The following INTU variants were observed in gnomAD, a reference collection of about 807,000 sequenced individuals.
INTU encodes the protein inturned planar cell polarity protein.
A neutral mutation model predicts 100.5 loss-of-function variants in INTU; 68 were observed. The observed-to-expected ratio is 0.68, with a 90% CI of 0.56 to 0.83. The LOEUF is 0.83. INTU is among the 40% of genes least tolerant of loss of function. The pLI, the probability that INTU is intolerant of heterozygous loss-of-function variation, is 0.00. For missense variants in INTU, 1,071 were observed against 1,114.7 expected (o/e 0.96, Z 0.56); for synonymous variants, 357 against 395.7 (o/e 0.90, Z 1.16).
intron 7 of INTU, chr4:127,685,384 T>C: frequency 2.2e-6 from 1 of 451,264 alleles, no homozygotes; most frequent in Non-Finnish European, 4.4e-6. Flanking sequence ...TTCCAAACCA[T>C]AGTGATATCA....
chr4:127,639,638 T>C (rs1179320535), intron 1 of INTU, among the ~76,000 whole-genome samples: 1 of 152,142 alleles, frequency 6.6e-6, no homozygotes, highest in African/African-American at 2.4e-5. Context: ...TTTAAAAAAT[T>C]GACACATAAT....
At position 127,669,925 on chromosome 4, in the gene INTU, G is replaced by A. The variant is rs145008005; in HGVS notation, c.1091+771G>A. On this transcript the variant is annotated intron_variant, in intron 5 of 15. Coordinates refer to ENST00000335251, the MANE Select transcript of INTU (RefSeq NM_015693.4). ...ATAATTCATGACTAAGACCTCAAAA[G>A]CAAATGCAGCAAAACCAAAAATAGA... 2.7e-3 allele frequency among the ~76,000 whole-genome samples: 417 copies of A among 151,922 alleles called. 4 individuals carry two copies. The highest frequency in any genetic ancestry group is 9.5e-3 in the African/African-American group (393 of 41,530).
Position 127,644,060 on chromosome 4 carries a change from A to C in INTU, c.682+4A>C, listed in dbSNP as rs368781214. On this transcript the variant is annotated splice_donor_region_variant and intron_variant, in intron 2 of 15. Coordinates refer to ENST00000335251, the MANE Select transcript of INTU (RefSeq NM_015693.4). Reference sequence around the variant, plus strand: ...AAGAGCGGTCAGGTACTCATTGGTAAGTGTTGCTGGTACACATCCATCCCT... The same window carrying C: ...AAGAGCGGTCAGGTACTCATTGGTACGTGTTGCTGGTACACATCCATCCCT... 6.2e-7 allele frequency: 1 copy of C among 1,608,578 alleles called. No individual in the cohort carries two copies. The highest frequency in any genetic ancestry group is 8.5e-7 in the Non-Finnish European group (1 of 1,176,292).
chr4:127,678,918 A>C (rs1432922629), intron 6 of INTU, among the ~76,000 whole-genome samples: 2 of 152,050 alleles, frequency 1.3e-5, no homozygotes, highest in East Asian at 3.8e-4. Flanking sequence ...TCTACCAAGC[A>C]AATGGAAAAC....
intron 3 of INTU, among the ~76,000 whole-genome samples, chr4:127,659,447 G>T (rs1728376706): frequency 6.6e-6 from 1 of 152,170 alleles, no homozygotes; most frequent in South Asian, 2.1e-4. Flanking sequence ...GGCAATCATT[G>T]TTCTCTTCTT....
intron 11 of INTU, 30 bp from the exon 12 acceptor site, chr4:127,706,457 A>G: frequency 6.4e-7 from 1 of 1,559,038 alleles, no homozygotes; most frequent in Non-Finnish European, 8.7e-7. Context: ...ATGGTAGCTA[A>G]ACCTACATTT....
At chr4:127,652,466 CTAT>C (rs1727938029) in intron 2 of INTU, among the ~76,000 whole-genome samples, 1 of 94,362 alleles carries the variant, frequency 1.1e-5, no homozygotes, top group Non-Finnish European at 2.0e-5. Flanking sequence ...TTTTCTGCAT[CTAT>C]TGAGATAATC....
At position 127,720,448 on chromosome 4, in the gene INTU, T is replaced by C. The variant is rs1731330243; in HGVS notation, c.*4012T>C. 6.6e-6 allele frequency: 1 copy of C among 152,226 alleles called. No homozygotes were observed. The allele number at this position is 152,226 out of a possible 1,614,324, so 9.4% of individuals were successfully genotyped here. ...GTACCATGTGGCACTGAGAAGAATA[T>C]ATATTCTGTTGTTTGGGGGTGGAAA... On this transcript the variant is annotated 3_prime_UTR_variant, in exon 16 of 16. Transcript: ENST00000335251.
chr4:127,682,601 G>A (rs1316689903), intron 6 of INTU, among the ~76,000 whole-genome samples: 2 of 114,904 alleles, frequency 1.7e-5, no homozygotes, highest in African/African-American at 3.3e-5. Context: ...TTTGTGGGGT[G>A]GGGGGAGGGG....
chr4:127,712,543 T>C (rs1240677340), intron 14 of INTU, among the ~76,000 whole-genome samples: 2 of 152,148 alleles, frequency 1.3e-5, no homozygotes, highest in African/African-American at 4.8e-5. Context: ...GTCCCTTCCT[T>C]CACGAAGCCT....
chr4:127,673,723 A>T (rs1014621572), intron 5 of INTU, among the ~76,000 whole-genome samples: 7 of 151,678 alleles, frequency 4.6e-5, no homozygotes, highest in African/African-American at 1.7e-4. Context: ...CAGCCTCCCT[A>T]GTAGCCAGGA....
At chr4:127,649,012 G>A (rs2126183579) in intron 2 of INTU, among the ~76,000 whole-genome samples, 1 of 152,064 alleles carries the variant, frequency 6.6e-6, no homozygotes, top group South Asian at 2.1e-4. Flanking sequence ...TTCACAGTTG[G>A]CCTAAGAAAG....
rs182637235 is a variant in INTU at position 127,717,677 on chromosome 4, C to T, written c.*1241C>T. Reference sequence around the variant, plus strand: ...TATTTCTTGACTTTTTAATAATAGCCACTCTGACTGGTGTGAGATGATATC... The same window carrying T: ...TATTTCTTGACTTTTTAATAATAGCTACTCTGACTGGTGTGAGATGATATC... On this transcript the variant is annotated 3_prime_UTR_variant, in exon 16 of 16. Coordinates refer to ENST00000335251, the MANE Select transcript of INTU (RefSeq NM_015693.4). 13 of 152,298 alleles carry T rather than the reference C, an allele frequency of 8.5e-5. No individual in the cohort carries two copies. The highest frequency in any genetic ancestry group is 2.9e-4 in the African/African-American group (12 of 41,568). The allele number at this position is 152,298 out of a possible 1,614,324, so 9.4% of individuals were successfully genotyped here. A position where few individuals can be genotyped will look rare whatever the true frequency, so the allele number is the denominator to read the frequency against.
rs926953231 is a variant in INTU, at chr4:127,655,560, TGAG to T, written c.683-1071_683-1069del. 1.7e-4 allele frequency among the ~76,000 whole-genome samples: 26 copies of T among 151,760 alleles called. No homozygotes were observed. In the South Asian group the frequency reaches 4.4e-3, roughly 26 times the overall value. On this transcript the variant is annotated intron_variant, in intron 2 of 15. Coordinates refer to ENST00000335251, the MANE Select transcript of INTU (RefSeq NM_015693.4). ...GGGGGTCAGGGGTCAGGGACCCACT[TGAG>T]GAGGCAGTCTGCCCATTCTCAGATC...
intron 1 of INTU, among the ~76,000 whole-genome samples, chr4:127,640,542 C>CATATATATATATATATATATATAT (rs869116277): frequency 1.9e-5 from 1 of 53,636 alleles, no homozygotes. Flanking sequence ...GGTAAAGATA[C>CATATATATATATATATATATATAT]ATATATATAT....
intron 12 of INTU, among the ~76,000 whole-genome samples, 159 bp from the exon 13 acceptor site, chr4:127,708,412 A>G (rs563914415): frequency 2.0e-4 from 30 of 152,210 alleles, no homozygotes; most frequent in Non-Finnish European, 3.5e-4. Context: ...CCTGTCAGCC[A>G]TGGATAAGCC....
At chr4:127,688,398 G>A (rs1003678992) in intron 8 of INTU, among the ~76,000 whole-genome samples, 10 of 152,232 alleles carry the variant, frequency 6.6e-5, no homozygotes, top group African/African-American at 2.4e-4. Context: ...TTATATCTGT[G>A]AACCTAGAAT....
intron 4 of INTU, among the ~76,000 whole-genome samples, chr4:127,667,048 T>C (rs953149585): frequency 1.3e-5 from 2 of 152,156 alleles, no homozygotes; most frequent in Admixed American, 6.5e-5. Flanking sequence ...GTAGTACTGA[T>C]CCTTTATATT....
chr4:127,633,500 ACT>A (rs1378995561), intron 1 of INTU, among the ~76,000 whole-genome samples: 1 of 151,264 alleles, frequency 6.6e-6, no homozygotes, highest in Admixed American at 6.6e-5. Context: ...CGTTCAAAAA[ACT>A]CTGTTTCGAT....
Sources: allele counts gnomAD v4.1 joint callset (sites outside exome capture counted in the v4.1 genomes callset), GRCh38; gene constraint gnomAD v4.1.1; transcripts MANE v1.5; gene names NCBI Gene and HGNC (gene_info 2026-07-23, HGNC 2026-07-21).